MTUS1: variants seen among roughly 807,000 people sequenced by gnomAD.
MTUS1 encodes microtubule associated scaffold protein 1.
A neutral mutation model predicts 120.8 loss-of-function variants in MTUS1; 109 were observed. That is an observed-to-expected ratio of 0.90 (90% CI 0.77 to 1.06). The LOEUF is 1.06. Among genes scored for constraint, MTUS1 ranks in the 50% least tolerant of loss-of-function variants. The probability of loss-of-function intolerance (pLI) is 0.00; values close to 1 mark genes in which losing one functional copy is unlikely to be tolerated. For missense variants in MTUS1, 2,210 were observed against 1,486.3 expected, an observed-to-expected ratio of 1.49 and a Z score of -8.01; for synonymous variants, 737 against 550.5, an observed-to-expected ratio of 1.34 and a Z score of -4.74.
intron 3 of MTUS1, among the ~76,000 whole-genome samples, chr8:17,735,188 C>G (rs2131204194): frequency 6.6e-6 from 1 of 152,274 alleles, no homozygotes; most frequent in East Asian, 1.9e-4. Context: ...GCTTCCCAGT[C>G]TGTAGCCTCC....
upstream of MTUS1, chr8:17,801,495 T>TCCGCTCCCGCC (rs2052671758): frequency 6.7e-6 from 1 of 148,738 alleles, no homozygotes; most frequent in South Asian, 2.1e-4. Context: ...GCGCTCCCGC[T>TCCGCTCCCGCC]CTCCGCTCCC....
chr8:17,780,736 C>G (rs1249679494), intron 1 of MTUS1: 1 of 152,250 alleles, frequency 6.6e-6, no homozygotes, highest in Non-Finnish European at 1.5e-5. Flanking sequence ...AATATATTCT[C>G]AAAACAGCAA....
At chr8:17,688,327 CAG>C (rs1163751884) in intron 6 of MTUS1, among the ~76,000 whole-genome samples, 1 of 152,160 alleles carries the variant, frequency 6.6e-6, no homozygotes, top group Non-Finnish European at 1.5e-5. Context: ...TGGTATTGCT[CAG>C]AGAGGCACAA....
rs770881969 is a variant in MTUS1, at chr8:17,785,303, G to A, written c.-155+15758C>T. 9.2e-5 allele frequency among the ~76,000 whole-genome samples: 14 copies of A among 152,202 alleles called. 1 individual carries two copies. The highest frequency in any genetic ancestry group is 7.2e-4 in the Admixed American group (11 of 15,274). ...CGACTGGAGGCTAAAGGGACCCAGAGAATAGGCTCCACTGTTACAGATATG... is the reference window on the plus strand; with the variant it reads ...CGACTGGAGGCTAAAGGGACCCAGAAAATAGGCTCCACTGTTACAGATATG... On this transcript the variant is annotated intron_variant, in intron 1 of 14. Coordinates refer to ENST00000693296, the MANE Select transcript of MTUS1 (RefSeq NM_001363059.2).
chr8:17,685,612 A>C (rs182873908), intron 6 of MTUS1, among the ~76,000 whole-genome samples: 73 of 152,350 alleles, frequency 4.8e-4, no homozygotes, highest in Non-Finnish European at 8.5e-4. Flanking sequence ...GCAAGCTACT[A>C]CAGTGATTGC....
intron 1 of MTUS1, among the ~76,000 whole-genome samples, chr8:17,769,417 G>T (rs1363603147): frequency 6.7e-6 from 1 of 148,264 alleles, no homozygotes; most frequent in Admixed American, 6.7e-5. Context: ...GCGCGATCTC[G>T]GCTCACTGCA....
intron 4 of MTUS1, chr8:17,723,360 T>C (rs948254597): frequency 1.3e-5 from 5 of 373,910 alleles, no homozygotes; most frequent in Non-Finnish European, 2.5e-5. Context: ...GAAACTGAAA[T>C]AATCTTTTTT....
intron 1 of MTUS1, among the ~76,000 whole-genome samples, chr8:17,798,378 G>A (rs1421315305): frequency 1.3e-5 from 2 of 152,060 alleles, no homozygotes; most frequent in Non-Finnish European, 2.9e-5. Flanking sequence ...TGTTGCCCAG[G>A]CTGGAGTGCA....
At chr8:17,772,825 C>T (rs2131461386) in intron 1 of MTUS1, among the ~76,000 whole-genome samples, 1 of 152,180 alleles carries the variant, frequency 6.6e-6, no homozygotes, top group South Asian at 2.1e-4. Flanking sequence ...CAAAAAAACA[C>T]ACAAAGGAAT....
chr8:17,732,293 TGGTTG>T (rs1260597510), intron 3 of MTUS1, among the ~76,000 whole-genome samples: 1 of 152,232 alleles, frequency 6.6e-6, no homozygotes, highest in Non-Finnish European at 1.5e-5. Flanking sequence ...TTATGTCCAC[TGGTTG>T]GGTTTTCTGT....
chr8:17,791,673 T>A (rs2051794211), intron 1 of MTUS1, among the ~76,000 whole-genome samples: 1 of 152,196 alleles, frequency 6.6e-6, no homozygotes, highest in African/African-American at 2.4e-5. Flanking sequence ...AGTCTGAGAA[T>A]AAACAATCTC....
intron 10 of MTUS1, chr8:17,654,349 C>CA: frequency 3.5e-6 from 2 of 572,036 alleles, no homozygotes; most frequent in Non-Finnish European, 6.2e-6. Context: ...TCCTATTTAA[C>CA]ACAAGGCTGG....
intron 3 of MTUS1, among the ~76,000 whole-genome samples, chr8:17,725,538 A>C (rs1213688735): frequency 1.3e-5 from 2 of 152,062 alleles, no homozygotes; most frequent in Non-Finnish European, 2.9e-5. Context: ...CTCTTCTTCC[A>C]CCCTTTGAAT....
chr8:17,725,004 C>T (rs1318352945), intron 3 of MTUS1, among the ~76,000 whole-genome samples: 1 of 152,158 alleles, frequency 6.6e-6, no homozygotes, highest in Non-Finnish European at 1.5e-5. Context: ...AGTCCTCCCG[C>T]CTCAGTCTCC....
At chr8:17,683,791 G>A (rs1297889609) in intron 7 of MTUS1, among the ~76,000 whole-genome samples, 1 of 152,176 alleles carries the variant, frequency 6.6e-6, no homozygotes, top group African/African-American at 2.4e-5. Context: ...TAACATCCCT[G>A]AAGAATATTA....
At chr8:17,654,396 G>C in intron 10 of MTUS1, 165 bp downstream of exon 10, 1 of 599,084 alleles carries the variant, frequency 1.7e-6, no homozygotes, top group Non-Finnish European at 3.0e-6. Context: ...AGTGGGAAAA[G>C]GCATCTGTTA....
Position 17,754,728 on chromosome 8 carries a change from G to C in MTUS1, c.1080C>G (p.Ser360Arg), listed in dbSNP as rs373445770. 1.2e-6 allele frequency: 2 copies of C among 1,614,184 alleles called. No homozygotes were observed. Among genetic ancestry groups the C allele is most frequent in the South Asian group, 2.2e-5 (2 of 91,086 alleles). The change falls in exon 2 of 15, where the codon AGC (serine) becomes AGG (arginine). Residue 360 changes from serine (S) to arginine (R), a missense_variant. By Grantham distance (110) the Ser-to-Arg change is moderately radical. Coordinates refer to ENST00000693296, the MANE Select transcript of MTUS1 (RefSeq NM_001363059.2). ...GCTCTGGGTTCAGCACTTGAGCTTC[G>C]CTCTTATCAAAAGCTGGCACCATTA... The part of the protein sequence containing the change: ...CPLMVPAFDK[S>R]EAQVLNPEHK...
intron 8 of MTUS1, among the ~76,000 whole-genome samples, chr8:17,660,331 C>A (rs1294316365): frequency 6.6e-6 from 1 of 152,144 alleles, no homozygotes; most frequent in South Asian, 2.1e-4. Flanking sequence ...CAAGATAACG[C>A]CACTGCACTC....
At chr8:17,768,905 T>C (rs1222139701) in intron 1 of MTUS1, among the ~76,000 whole-genome samples, 1 of 152,194 alleles carries the variant, frequency 6.6e-6, no homozygotes, top group African/African-American at 2.4e-5. Flanking sequence ...TTGTTTACAC[T>C]TCTGGAGTTT....
Sources: allele counts gnomAD v4.1 joint callset (sites outside exome capture counted in the v4.1 genomes callset), GRCh38; gene constraint gnomAD v4.1.1; transcripts MANE v1.5; gene names NCBI Gene and HGNC (gene_info 2026-07-23, HGNC 2026-07-21).